Variants in PRELID2 observed in about 807,000 individuals in gnomAD.
PRELID2 encodes the protein PRELI domain containing 2.
A neutral mutation model predicts 28.4 loss-of-function variants in PRELID2; 25 were observed. The ratio of observed to expected loss-of-function variants is 0.88; its 90% CI spans 0.64 to 1.23. The LOEUF is 1.23. Ranked by LOEUF, PRELID2 falls within the 50% of genes most tolerant of loss-of-function variation. The pLI, the probability that PRELID2 is intolerant of heterozygous loss-of-function variation, is 0.00. For synonymous variants in PRELID2, 76 were observed against 71.6 expected, an observed-to-expected ratio of 1.06 and a Z score of -0.31; for missense variants, 201 against 214.4, an observed-to-expected ratio of 0.94 and a Z score of 0.39.
At chr5:145,818,717 A>G (rs1198040318) in intron 3 of PRELID2, among the ~76,000 whole-genome samples, 1 of 152,218 alleles carries the variant, frequency 6.6e-6, no homozygotes, top group Non-Finnish European at 1.5e-5. Flanking sequence ...TCATTGTCAT[A>G]TCAGCTTTAT....
chr5:145,438,973 T>A, the PRELID2 span, among the ~76,000 whole-genome samples: 1 of 152,178 alleles, frequency 6.6e-6, no homozygotes, highest in East Asian at 1.9e-4. Flanking sequence ...GATGCAGCGA[T>A]GCTGTCAGCT....
chr5:145,429,646 C>G, the PRELID2 span, among the ~76,000 whole-genome samples: 1 of 152,112 alleles, frequency 6.6e-6, no homozygotes, highest in African/African-American at 2.4e-5. Context: ...AGCTAATATC[C>G]AGGGAACCTA....
chr5:145,699,491 T>G (rs1028646033), intron 1 of PRELID2, among the ~76,000 whole-genome samples: 3 of 152,060 alleles, frequency 2.0e-5, no homozygotes, highest in East Asian at 1.9e-4. Context: ...AATCTGAGGG[T>G]CATACCTAGG....
At chr5:145,517,683 C>T (rs987651442) in intron 1 of PRELID2, among the ~76,000 whole-genome samples, 2 of 152,166 alleles carry the variant, frequency 1.3e-5, no homozygotes, top group African/African-American at 4.8e-5. Context: ...TATAAAGACA[C>T]ATGCACATGT....
chr5:145,446,213 T>C, the PRELID2 span, among the ~76,000 whole-genome samples: 1 of 152,058 alleles, frequency 6.6e-6, no homozygotes, highest in Non-Finnish European at 1.5e-5. Flanking sequence ...ATATATAATA[T>C]GTATGGAAAC....
intron 1 of PRELID2, among the ~76,000 whole-genome samples, chr5:145,533,461 A>T (rs1752672401): frequency 6.6e-6 from 1 of 152,144 alleles, no homozygotes; most frequent in East Asian, 1.9e-4. Flanking sequence ...AATACTAAAA[A>T]TCAAGGTGGA....
intron 1 of PRELID2, among the ~76,000 whole-genome samples, chr5:145,568,036 G>A (rs1387260841): frequency 1.3e-5 from 2 of 152,114 alleles, no homozygotes; most frequent in Non-Finnish European, 2.9e-5. Context: ...CTTCTCCTTT[G>A]GAGGCCTGCT....
intron 1 of PRELID2, among the ~76,000 whole-genome samples, chr5:145,634,339 T>C (rs1042896871): frequency 1.3e-5 from 2 of 152,098 alleles, no homozygotes; most frequent in African/African-American, 4.8e-5. Context: ...GCCTTCAGGA[T>C]AAAAATCCAG....
intron 1 of PRELID2, among the ~76,000 whole-genome samples, chr5:145,623,978 C>A (rs908127109): frequency 6.6e-6 from 1 of 151,784 alleles, no homozygotes; most frequent in Non-Finnish European, 1.5e-5. Context: ...CGTCAGATGA[C>A]CAGCTGTAAG....
intron 1 of PRELID2, among the ~76,000 whole-genome samples, chr5:145,500,936 C>G (rs1181887540): frequency 6.6e-6 from 1 of 152,120 alleles, no homozygotes; most frequent in African/African-American, 2.4e-5. Context: ...AAGCATAGAT[C>G]ATGTGCCTGT....
At chr5:145,792,521 T>C (rs1752461763) in intron 5 of PRELID2, among the ~76,000 whole-genome samples, 1 of 152,206 alleles carries the variant, frequency 6.6e-6, no homozygotes, top group South Asian at 2.1e-4. Flanking sequence ...TTGTCTGTCC[T>C]GCTTTCCACC....
chr5:145,610,041 G>A (rs1051578122), intron 1 of PRELID2, among the ~76,000 whole-genome samples: 2 of 152,220 alleles, frequency 1.3e-5, no homozygotes, highest in African/African-American at 4.8e-5. Context: ...CTGGACTGGA[G>A]AGATGACCCT....
At chr5:145,656,645 C>T (rs571062394) in intron 1 of PRELID2, among the ~76,000 whole-genome samples, 4 of 151,104 alleles carry the variant, frequency 2.6e-5, no homozygotes, top group South Asian at 2.1e-4. Flanking sequence ...AGCAAACTAT[C>T]GCAAGGACAA....
chr5:145,271,446 G>T, the PRELID2 span, among the ~76,000 whole-genome samples: 9 of 152,094 alleles, frequency 5.9e-5, no homozygotes, highest in East Asian at 1.7e-3. Context: ...AAACTCCTAG[G>T]CTCAAGTGAT....
Position 145,757,821 on chromosome 5 carries a change from A to C in PRELID2, c.*2715T>G, listed in dbSNP as rs143002103. The stretch of plus-strand genomic sequence containing the variant: ...TATCTCAAAAAAAAGTAAATGAAAA[A>C]AAAAAAAAAAAAGACCATAAAATTT... On this transcript the variant is annotated 3_prime_UTR_variant, in exon 7 of 7. Transcript: ENST00000683046. Among the ~76,000 whole-genome samples the C allele has an allele frequency of 1.5e-3, 230 of 151,876 alleles. 1 individual carries two copies. Among genetic ancestry groups the C allele is most frequent in the African/African-American group, 5.1e-3 (212 of 41,466 alleles).
At chr5:145,341,463 C>T in the PRELID2 span, among the ~76,000 whole-genome samples, 1 of 151,840 alleles carries the variant, frequency 6.6e-6, no homozygotes, top group African/African-American at 2.4e-5. Flanking sequence ...TCGCTTGAAC[C>T]TGGGAGGTGG....
Position 145,699,546 on chromosome 5 carries a change from C to A in PRELID2, n.70+65385G>T, listed in dbSNP as rs184343497. On this transcript the variant is annotated intron_variant and non_coding_transcript_variant, in intron 1 of 2. Coordinates refer to the PRELID2 transcript ENST00000510259. ...CTTTCCACTGACCCATGATTTGCATCTCTTCCCTGCTCATTGACATTGATG... is the reference window on the plus strand; with the variant it reads ...CTTTCCACTGACCCATGATTTGCATATCTTCCCTGCTCATTGACATTGATG... Among the ~76,000 whole-genome samples the A allele has an allele frequency of 4.6e-5, 7 of 152,208 alleles. No homozygotes were observed. The East Asian group carries it at 1.4e-3, about 29-fold the overall frequency.
chr5:145,540,736 CTGTT>C (rs892791174), intron 1 of PRELID2, among the ~76,000 whole-genome samples: 3 of 148,654 alleles, frequency 2.0e-5, no homozygotes, highest in Non-Finnish European at 4.5e-5. Context: ...AGACAGGAGA[CTGTT>C]TTGGGGAAAA....
At chr5:145,238,638 A>G in the PRELID2 span, among the ~76,000 whole-genome samples, 38 of 152,174 alleles carry the variant, frequency 2.5e-4, no homozygotes, top group Middle Eastern at 0.017. Context: ...CAAAATTCAC[A>G]TACCCAGAAT....
Sources: gnomAD v4.1 joint callset for allele counts (sites outside exome capture counted in the v4.1 genomes callset) on GRCh38, gnomAD v4.1.1 for gene constraint, MANE v1.5 for transcripts, NCBI Gene and HGNC (gene_info 2026-07-23, HGNC 2026-07-21) for gene names.